THAP2: variants seen among roughly 807,000 people sequenced by gnomAD.
THAP2 encodes the protein THAP domain containing 2, also known as THAP domain-containing protein 2.
In THAP2, 16 loss-of-function variants were observed where a neutral mutation model predicts 18.8. The ratio of observed to expected loss-of-function variants is 0.85; its 90% CI spans 0.58 to 1.29. The LOEUF is 1.29. THAP2 is among the 50% of genes most tolerant of loss of function. THAP2 has a pLI of 0.00. For missense variants in THAP2, 251 were observed against 265.3 expected, an observed-to-expected ratio of 0.95 and a Z score of 0.38; for synonymous variants, 80 against 89.2, an observed-to-expected ratio of 0.90 and a Z score of 0.58.
At position 71,679,230 on chromosome 12, in the gene THAP2, A is replaced by T. The variant is rs1218544710; in HGVS notation, c.*2122A>T. On this transcript the variant is annotated 3_prime_UTR_variant, in exon 3 of 3. Coordinates refer to ENST00000308086, the MANE Select transcript of THAP2 (RefSeq NM_031435.4). ...TTTTGGACAAGGTTACTTCATCTTC[A>T]TTCATTATTACCTGACAGTATTAAA... is the stretch of plus-strand genomic sequence containing the variant. The T allele has an allele frequency of 6.6e-6, 1 of 152,128 alleles. No homozygotes were observed. The highest frequency in any genetic ancestry group is 1.5e-5 in the Non-Finnish European group (1 of 67,998). The allele number at this position is 152,128 out of a possible 1,614,324, so 9.4% of individuals were successfully genotyped here. A position where few individuals can be genotyped will look rare whatever the true frequency, so the allele number is the denominator to read the frequency against.
intron 1 of THAP2, among the ~76,000 whole-genome samples, chr12:71,669,644 G>A (rs1191463254): frequency 6.6e-6 from 1 of 152,042 alleles, no homozygotes; most frequent in Non-Finnish European, 1.5e-5. Context: ...GTGAGACTAG[G>A]CAGAGTAAAT....
intron 1 of THAP2, among the ~76,000 whole-genome samples, chr12:71,673,121 T>A (rs1363484976): frequency 6.6e-6 from 1 of 152,178 alleles, no homozygotes; most frequent in Non-Finnish European, 1.5e-5. Flanking sequence ...AATGATGCCA[T>A]GTATGGTCTC....
chr12:71,669,957 CA>C (rs5799052), intron 1 of THAP2, among the ~76,000 whole-genome samples: 120 of 104,704 alleles, frequency 1.1e-3, no homozygotes, highest in Middle Eastern at 5.9e-3. Flanking sequence ...AACTCCGTCT[CA>C]AAAAAAAAAA....
chr12:71,669,347 A>C (rs1200379067), intron 1 of THAP2, among the ~76,000 whole-genome samples: 1 of 152,258 alleles, frequency 6.6e-6, no homozygotes, highest in Non-Finnish European at 1.5e-5. Flanking sequence ...TCAACTTAAG[A>C]TTTGATTCAA....
At position 71,671,570 on chromosome 12, in the gene THAP2, T is replaced by C. The variant is rs117310599; in HGVS notation, c.72-2633T>C. ...CTCTGTCACAAAGACTGTGAGGTCA[T>C]GCACAACATACACACACACTTTTCT... On this transcript the variant is annotated intron_variant, in intron 1 of 2. Coordinates refer to ENST00000308086, the MANE Select transcript of THAP2 (RefSeq NM_031435.4). Among the ~76,000 whole-genome samples the C allele has an allele frequency of 3.9e-3, 598 of 152,368 alleles. 4 individuals are homozygous for C. The highest frequency in any genetic ancestry group is 6.8e-3 in the Non-Finnish European group (463 of 68,026).
intron 1 of THAP2, among the ~76,000 whole-genome samples, chr12:71,673,119 C>T (rs1163737298): frequency 6.6e-6 from 1 of 151,918 alleles, no homozygotes; most frequent in Admixed American, 6.6e-5. Context: ...TGAATGATGC[C>T]ATGTATGGTC....
intron 2 of THAP2, 115 bp downstream of exon 2, chr12:71,674,513 C>A: frequency 2.1e-6 from 2 of 955,582 alleles, no homozygotes; most frequent in South Asian, 2.2e-5. Context: ...AAGTTGCAGA[C>A]CTTCCTCTTG....
chr12:71,669,398 C>T (rs115797951), intron 1 of THAP2, among the ~76,000 whole-genome samples: 1,723 of 152,190 alleles, frequency 0.011, 27 homozygotes, highest in African/African-American at 0.039. Flanking sequence ...TTAAAAAGAG[C>T]TTTAAAAGAG....
chr12:71,671,133 G>A (rs189453702), intron 1 of THAP2, among the ~76,000 whole-genome samples: 6 of 152,072 alleles, frequency 3.9e-5, no homozygotes, highest in Admixed American at 2.0e-4. Flanking sequence ...AGGCAGGCAC[G>A]CTCAGTCTAA....
chr12:71,674,742 CTT>C (rs1881495935), intron 2 of THAP2, among the ~76,000 whole-genome samples: 1 of 152,076 alleles, frequency 6.6e-6, no homozygotes, highest in Non-Finnish European at 1.5e-5. Flanking sequence ...GTGCAAAGTA[CTT>C]TAAGAGCACA....
At chr12:71,664,884 G>A (rs183755178) in intron 1 of THAP2, 245 of 702,382 alleles carry the variant, frequency 3.5e-4, no homozygotes, top group Non-Finnish European at 1.1e-4. Flanking sequence ...GCCTTGACAT[G>A]AATGACGCCG....
intron 1 of THAP2, among the ~76,000 whole-genome samples, chr12:71,673,671 T>A (rs1881477329): frequency 6.6e-6 from 1 of 152,144 alleles, no homozygotes; most frequent in African/African-American, 2.4e-5. Flanking sequence ...ATGATCCCTG[T>A]CCTCAAGAAA....
intron 1 of THAP2, among the ~76,000 whole-genome samples, chr12:71,671,503 T>G (rs1035107174): frequency 6.6e-6 from 1 of 152,186 alleles, no homozygotes; most frequent in Non-Finnish European, 1.5e-5. Context: ...TGCCCACCTT[T>G]TTTGCCATAT....
chr12:71,672,651 G>A (rs1881459863), intron 1 of THAP2, among the ~76,000 whole-genome samples: 1 of 151,350 alleles, frequency 6.6e-6, no homozygotes, highest in South Asian at 2.1e-4. Context: ...TTTTTTTACA[G>A]TGGTCCTGGA....
At chr12:71,669,253 A>G (rs1276091965) in intron 1 of THAP2, among the ~76,000 whole-genome samples, 1 of 152,258 alleles carries the variant, frequency 6.6e-6, no homozygotes, top group African/African-American at 2.4e-5. Context: ...TATCAGTGCT[A>G]TAGCGACATC....
At chr12:71,668,231 TA>T (rs750401689) in intron 1 of THAP2, among the ~76,000 whole-genome samples, 17 of 152,238 alleles carry the variant, frequency 1.1e-4, no homozygotes, top group Non-Finnish European at 2.1e-4. Flanking sequence ...AGCTGATTCC[TA>T]TAATTTTTAA....
At position 71,678,160 on chromosome 12, in the gene THAP2, AC is replaced by A. The variant is rs1277314980; in HGVS notation, c.*1053del. 1 of 152,154 alleles carries A rather than the reference AC, an allele frequency of 6.6e-6. No individual in the cohort carries two copies. Among genetic ancestry groups the A allele is most frequent in the East Asian group, 1.9e-4 (1 of 5,186 alleles). 9.4% of individuals were successfully genotyped at this position (152,154 alleles called of 1,614,324 possible). ...CTTTTTTAGTGAGTGAAATAGAGCA[AC>A]TAGCATGCCTGTGTTCCCAGCTACT... is the stretch of plus-strand genomic sequence containing the variant. On this transcript the variant is annotated 3_prime_UTR_variant, in exon 3 of 3. Transcript: ENST00000308086.
rs989284196 is a variant in THAP2, at chr12:71,678,670, A to T, written c.*1562A>T. ...GTAATAGCTACTTCATGATTTTTTT[A>T]AAAATTTCATTTTTTTGCTATTTAG... On this transcript the variant is annotated 3_prime_UTR_variant, in exon 3 of 3. Transcript: ENST00000308086. The T allele has an allele frequency of 3.5e-5, 5 of 142,984 alleles. No individual in the cohort carries two copies. The highest frequency in any genetic ancestry group is 2.1e-4 in the South Asian group (1 of 4,830). The allele number at this position is 142,984 out of a possible 1,614,324, so 8.9% of individuals were successfully genotyped here. A position where few individuals can be genotyped will look rare whatever the true frequency, so the allele number is the denominator to read the frequency against.
At chr12:71,673,754 G>A (rs1881478168) in intron 1 of THAP2, among the ~76,000 whole-genome samples, 1 of 152,040 alleles carries the variant, frequency 6.6e-6, no homozygotes, top group Non-Finnish European at 1.5e-5. Flanking sequence ...CTTAATGATG[G>A]GACATAGAGG....
Sources: allele counts gnomAD v4.1 joint callset (sites outside exome capture counted in the v4.1 genomes callset), GRCh38; gene constraint gnomAD v4.1.1; transcripts MANE v1.5; gene names NCBI Gene and HGNC (gene_info 2026-07-23, HGNC 2026-07-21).